DLC1: variants seen among roughly 807,000 people sequenced by gnomAD.
DLC1 encodes rho GTPase-activating protein 7.
Under a neutral mutation model 140.3 loss-of-function variants are expected in DLC1, and 54 were observed. The observed-to-expected ratio is 0.38, with a 90% CI of 0.31 to 0.48. The LOEUF (loss-of-function observed/expected upper bound fraction) is 0.48. DLC1 is among the 20% of genes least tolerant of loss of function. The pLI is 0.96. For missense variants in DLC1, 2,536 were observed against 1,907.0 expected, an observed-to-expected ratio of 1.33 and a Z score of -6.14; for synonymous variants, 986 against 728.1, an observed-to-expected ratio of 1.35 and a Z score of -5.70.
In DLC1 at chr8:13,280,175, C is replaced by G. The variant is rs1423455295; in HGVS notation, c.1348+25094G>C. 1.5e-4 allele frequency among the ~76,000 whole-genome samples: 22 copies of G among 149,442 alleles called. No individual in the cohort carries two copies. In the Admixed American group the frequency reaches 1.5e-3, roughly 10 times the overall value. On this transcript the variant is annotated intron_variant, in intron 5 of 17. Coordinates refer to ENST00000276297, the MANE Select transcript of DLC1 (RefSeq NM_182643.3). Reference sequence around the variant, plus strand: ...TGGTGGCAGGTACCTATAGTCCCAGCTACTCAGGAGGCTGAGGCAGGAGAA... The same window carrying G: ...TGGTGGCAGGTACCTATAGTCCCAGGTACTCAGGAGGCTGAGGCAGGAGAA...
At chr8:13,417,369 C>T (rs1031340611) in intron 2 of DLC1, among the ~76,000 whole-genome samples, 1 of 149,774 alleles carries the variant, frequency 6.7e-6, no homozygotes, top group Non-Finnish European at 1.5e-5. Flanking sequence ...CTCCCCCCAC[C>T]CAACAACAGT....
intron 1 of DLC1, among the ~76,000 whole-genome samples, chr8:13,553,101 A>T (rs7006537): frequency 1.6e-3 from 241 of 150,538 alleles, no homozygotes; most frequent in African/African-American, 5.5e-3. Flanking sequence ...CTGCAAACAC[A>T]CCTAAACCTT....
At chr8:13,583,544 G>T (rs1805191894) in intron 1 of DLC1, among the ~76,000 whole-genome samples, 1 of 152,078 alleles carries the variant, frequency 6.6e-6, no homozygotes, top group Non-Finnish European at 1.5e-5. Flanking sequence ...AATCCAGGAG[G>T]GTTGGAATCA....
chr8:13,469,231 T>C (rs1172068978), intron 2 of DLC1, among the ~76,000 whole-genome samples: 1 of 152,232 alleles, frequency 6.6e-6, no homozygotes, highest in Non-Finnish European at 1.5e-5. Context: ...TTTTTCTTAT[T>C]ATAAAGCTCT....
chr8:13,490,577 T>C (rs530107725), intron 2 of DLC1, among the ~76,000 whole-genome samples: 7 of 152,176 alleles, frequency 4.6e-5, no homozygotes, highest in Non-Finnish European at 7.3e-5. Flanking sequence ...TGTGTGGATA[T>C]TGGCATTTCT....
chr8:13,346,833 A>T (rs1043631424), intron 4 of DLC1, among the ~76,000 whole-genome samples: 1 of 152,178 alleles, frequency 6.6e-6, no homozygotes, highest in Non-Finnish European at 1.5e-5. Flanking sequence ...GATCCAAAAC[A>T]GGAGGATATA....
chr8:13,222,734 A>C (rs549177314), intron 5 of DLC1, among the ~76,000 whole-genome samples: 14 of 151,968 alleles, frequency 9.2e-5, no homozygotes, highest in Non-Finnish European at 1.5e-4. Context: ...AATACACCTA[A>C]ATTTTTGAGG....
chr8:13,098,673 T>C (rs1818717395), intron 9 of DLC1, 98 bp from the exon 10 acceptor site: 3 of 1,315,270 alleles, frequency 2.3e-6, no homozygotes, highest in African/African-American at 3.0e-5. Context: ...TGGAGTGCAG[T>C]GGTGCCATCA....
chr8:13,444,836 CA>C (rs2116939196), intron 2 of DLC1, among the ~76,000 whole-genome samples: 1 of 152,136 alleles, frequency 6.6e-6, no homozygotes, highest in Admixed American at 6.5e-5. Flanking sequence ...GAAAAATAGT[CA>C]TTTTGTTTCA....
chr8:13,166,983 C>T (rs918856951), intron 5 of DLC1, among the ~76,000 whole-genome samples: 2 of 151,934 alleles, frequency 1.3e-5, no homozygotes, highest in African/African-American at 4.8e-5. Context: ...ATGAAGCAAG[C>T]GGGGTTAGAA....
intron 5 of DLC1, among the ~76,000 whole-genome samples, chr8:13,177,241 C>T (rs1476093982): frequency 6.6e-6 from 1 of 152,046 alleles, no homozygotes; most frequent in Non-Finnish European, 1.5e-5. Context: ...TGGGGGGTTT[C>T]TTGGGTCTTG....
At chr8:13,154,327 C>G (rs149782396) in intron 5 of DLC1, among the ~76,000 whole-genome samples, 1 of 152,186 alleles carries the variant, frequency 6.6e-6, no homozygotes, top group African/African-American at 2.4e-5. Context: ...GGCTGCAGGT[C>G]GGGAGCCCTG....
Position 13,499,499 on chromosome 8 carries a change from C to CAGGCTTTTACTT in DLC1, c.561_572dup (p.Ser188_Leu191dup), listed in dbSNP as rs764107582. The stretch of plus-strand genomic sequence containing the variant: ...TTAAGCTTATTTCATTGCAAAGCTC[C>CAGGCTTTTACTT]AGGCTTTTACTTATAGAGTCAGTAA... On this transcript the variant is annotated inframe_insertion, in exon 2 of 18. Coordinates refer to ENST00000276297, the MANE Select transcript of DLC1 (RefSeq NM_182643.3). 1.4e-5 allele frequency: 22 copies of CAGGCTTTTACTT among 1,614,124 alleles called. No homozygotes were observed. In the South Asian group the frequency reaches 2.0e-4, roughly 14 times the overall value.
chr8:13,137,437 A>C (rs1822654063), intron 5 of DLC1, among the ~76,000 whole-genome samples: 2 of 147,170 alleles, frequency 1.4e-5, no homozygotes, highest in African/African-American at 5.1e-5. Context: ...AAAATGTTTC[A>C]ATACATCAAA....
chr8:13,579,518 TATATTATATTTTATATTATATATTTAA>T (rs1804999617), intron 1 of DLC1, among the ~76,000 whole-genome samples: 1 of 114,364 alleles, frequency 8.7e-6, no homozygotes, highest in African/African-American at 3.5e-5. Context: ...ATATATTTAA[TATATTATATTTTATATTATATATTTAA>T]TATATTATAT....
At chr8:13,268,067 T>C (rs1024554959) in intron 5 of DLC1, among the ~76,000 whole-genome samples, 42 of 152,206 alleles carry the variant, frequency 2.8e-4, no homozygotes, top group African/African-American at 1.0e-3. Flanking sequence ...GTAATCTATG[T>C]GTAAATTGAA....
chr8:13,323,169 T>C (rs1489543588), intron 4 of DLC1, among the ~76,000 whole-genome samples: 3 of 152,226 alleles, frequency 2.0e-5, no homozygotes, highest in Non-Finnish European at 4.4e-5. Flanking sequence ...TGTGAGATTA[T>C]ATACGTTCAT....
At chr8:13,512,462 A>G (rs545766186) in intron 1 of DLC1, among the ~76,000 whole-genome samples, 10 of 152,326 alleles carry the variant, frequency 6.6e-5, no homozygotes, top group Admixed American at 1.3e-4. Flanking sequence ...AAAATTCTGC[A>G]TTCTACAATT....
intron 10 of DLC1, chr8:13,095,555 C>T (rs1173214884): frequency 2.4e-5 from 7 of 290,018 alleles, no homozygotes; most frequent in Admixed American, 4.4e-5. Flanking sequence ...TTGACAGGTC[C>T]GTTTCCTCAG....
Sources: gnomAD v4.1 joint callset for allele counts (sites outside exome capture counted in the v4.1 genomes callset) on GRCh38, gnomAD v4.1.1 for gene constraint, MANE v1.5 for transcripts, NCBI Gene and HGNC (gene_info 2026-07-23, HGNC 2026-07-21) for gene names.